Variants in PODN observed in about 807,000 individuals in gnomAD.
PODN encodes the protein podocan.
PODN carries 40 observed loss-of-function variants against 52.7 expected under a neutral mutation model. That is an observed-to-expected ratio of 0.76 (90% CI 0.59 to 0.99). The LOEUF is 0.99. PODN is among the 50% of genes least tolerant of loss of function. PODN has a pLI of 0.00. For missense variants in PODN, 720 were observed against 815.1 expected (o/e 0.88, Z 1.42); for synonymous variants, 396 against 377.9 (o/e 1.05, Z -0.56).
chr1:53,069,882 C>CCTGCTG lies in PODN; in HGVS notation c.35_40dup (p.Leu12_Leu13dup). ...TGGCCCAGAGCCGGGTGCTGCTGCT[C>CCTGCTG]CTGCTGCTGCTGCCGCCACAGCTGC... is the stretch of plus-strand genomic sequence containing the variant. On this transcript the variant is annotated inframe_insertion, in exon 2 of 11. Coordinates refer to ENST00000312553, the MANE Select transcript of PODN (RefSeq NM_153703.5). The CCTGCTG allele has an allele frequency of 6.4e-7, 1 of 1,567,044 alleles. No homozygotes were observed. Among genetic ancestry groups the CCTGCTG allele is most frequent in the Non-Finnish European group, 8.6e-7 (1 of 1,156,640 alleles).
In PODN at chr1:53,077,065, A is replaced by C. The variant is rs910132840; in HGVS notation, c.582-125A>C. 13 of 1,237,026 alleles carry C rather than the reference A, an allele frequency of 1.1e-5. No individual in the cohort carries two copies. The South Asian group carries it at 1.9e-4, about 18-fold the overall frequency. The allele number at this position is 1,237,026 out of a possible 1,614,324, so 76.6% of individuals were successfully genotyped here. ...TGTAGGCAACATCTGAGGTGCTTCT[A>C]ACTCTGTACCCTTGAGTTTGGATGG... On this transcript the variant is annotated intron_variant, in intron 5 of 10. Coordinates refer to ENST00000312553, the MANE Select transcript of PODN (RefSeq NM_153703.5).
chr1:53,071,701 C>T (rs774668485), intron 3 of PODN, 73 bp downstream of exon 3: 25 of 1,426,578 alleles, frequency 1.8e-5, no homozygotes, highest in Admixed American at 1.3e-4. Context: ...TGCTGGGTGC[C>T]CAGGGGGAGA....
chr1:53,063,609 G>T (rs907156420), intron 1 of PODN: 194 of 983,058 alleles, frequency 2.0e-4, no homozygotes, highest in Middle Eastern at 5.2e-4. Flanking sequence ...GACCAGGGGG[G>T]ACTGCTCTGG....
intron 1 of PODN, among the ~76,000 whole-genome samples, chr1:53,064,989 A>C (rs1214337886): frequency 6.6e-6 from 1 of 152,124 alleles, no homozygotes; most frequent in Non-Finnish European, 1.5e-5. Context: ...GAGACCAGGG[A>C]GCTCCCCTGT....
At chr1:53,080,672 G>A in intron 8 of PODN, 56 bp from the exon 9 acceptor site, 5 of 1,564,998 alleles carry the variant, frequency 3.2e-6, no homozygotes, top group Non-Finnish European at 4.3e-6. Context: ...AGTTTTGTAA[G>A]CTGTTAAGTG....
In PODN at chr1:53,074,673, G is replaced by A. The variant is rs374747271; in HGVS notation, c.471+3G>A. On this transcript the variant is annotated splice_donor_region_variant and intron_variant, in intron 4 of 10. Coordinates refer to ENST00000312553, the MANE Select transcript of PODN (RefSeq NM_153703.5). ...ACCTGTACTTGGCCAATAACAAGGTGAGGGGCTTGAGGCAGGGTGGGGGGT... is the reference window on the plus strand; with the variant it reads ...ACCTGTACTTGGCCAATAACAAGGTAAGGGGCTTGAGGCAGGGTGGGGGGT... 1.9e-6 allele frequency: 3 copies of A among 1,613,732 alleles called. No individual in the cohort carries two copies. In the African/African-American group the frequency reaches 4.0e-5, roughly 22 times the overall value.
At chr1:53,066,331 A>G (rs533388068) in intron 1 of PODN, among the ~76,000 whole-genome samples, 9 of 152,316 alleles carry the variant, frequency 5.9e-5, no homozygotes, top group Non-Finnish European at 1.0e-4. Flanking sequence ...GAAACTGGTA[A>G]CATTTATTTA....
At position 53,079,040 on chromosome 1, in the gene PODN, G is replaced by T; in HGVS notation, c.1512+18G>T. 1 of 1,506,260 alleles carries T rather than the reference G, an allele frequency of 6.6e-7. No individual in the cohort carries two copies. Among genetic ancestry groups the T allele is most frequent in the East Asian group, 2.4e-5 (1 of 41,132 alleles). The allele number at this position is 1,506,260 out of a possible 1,614,324, so 93.3% of individuals were successfully genotyped here. ...ATCTGCAGGTAAGCGGAAGGGAGGG[G>T]GCTGAGCCATGCCCATGGAGGGGGG... is the stretch of plus-strand genomic sequence containing the variant. On this transcript the variant is annotated intron_variant, in intron 8 of 10. Transcript: ENST00000312553.
Position 53,078,904 on chromosome 1 carries a change from C to A in PODN, c.1394C>A (p.Ala465Asp). 8.1e-6 allele frequency: 13 copies of A among 1,608,232 alleles called. No individual in the cohort carries two copies. The highest frequency in any genetic ancestry group is 1.1e-5 in the Non-Finnish European group (13 of 1,177,616). The change falls in exon 8 of 11, where the codon GCC becomes GAC. Residue 465 changes from alanine (A) to aspartate (D), a missense_variant. Physicochemically the swap from Ala to Asp is moderately radical, Grantham distance 126 (BLOSUM62 -2). Transcript: ENST00000312553. ...AAGGTCAAGCGCAATGAGCTGGCTG[C>A]CTTGGCACGAGGGGCGCTGGTGGGC... is the stretch of plus-strand genomic sequence containing the variant. ...VLKVKRNELAALARGALVGMA... is the reference protein window; with the variant it reads ...VLKVKRNELADLARGALVGMA...
chr1:53,081,013 A>G, intron 9 of PODN, 137 bp downstream of exon 9: 1 of 1,206,086 alleles, frequency 8.3e-7, no homozygotes, highest in Non-Finnish European at 1.1e-6. Context: ...GGGTGGGGAC[A>G]GTCCTGGCCA....
At chr1:53,068,553 C>T (rs963651257) in intron 1 of PODN, among the ~76,000 whole-genome samples, 1 of 152,208 alleles carries the variant, frequency 6.6e-6, no homozygotes, top group African/African-American at 2.4e-5. Context: ...ATCACCTCAT[C>T]ACCTAAAAGC....
intron 8 of PODN, among the ~76,000 whole-genome samples, chr1:53,079,999 T>TA (rs5774134): frequency 0.053 from 5,585 of 105,954 alleles, 286 homozygotes; most frequent in East Asian, 0.22. Context: ...TGTCTCAAAT[T>TA]AAAAAAAAAA....
chr1:53,077,669 C>A lies in PODN; in HGVS notation c.739-16C>A. On this transcript the variant is annotated splice_polypyrimidine_tract_variant and intron_variant, in intron 6 of 10. Transcript: ENST00000312553. ...GCCCTCCCTCACAATCTCCTCCCTT[C>A]CCTTCCATCCCCCAGAACAACAAGC... 1 of 1,605,876 alleles carries A rather than the reference C, an allele frequency of 6.2e-7. No individual in the cohort carries two copies. The highest frequency in any genetic ancestry group is 8.5e-7 in the Non-Finnish European group (1 of 1,174,862).
At chr1:53,084,253 G>A (rs1644331620) in intron 10 of PODN, among the ~76,000 whole-genome samples, 1 of 151,944 alleles carries the variant, frequency 6.6e-6, no homozygotes, top group Non-Finnish European at 1.5e-5. Context: ...GGAGTCCTGG[G>A]GTGGGTGAGA....
At chr1:53,077,440 C>G (rs946590) in intron 6 of PODN, 94 bp downstream of exon 6, 1,416,013 of 1,528,832 alleles carry the variant, frequency 0.93, 658,361 homozygotes, top group Middle Eastern at 0.98. Flanking sequence ...GCCCACATGG[C>G]CACAGGTGCT....
Position 53,085,203 on chromosome 1 carries a change from C to A in PODN, c.*718C>A, listed in dbSNP as rs1268755987. The A allele has an allele frequency of 6.6e-6, 1 of 152,172 alleles. No homozygotes were observed. Among genetic ancestry groups the A allele is most frequent in the Admixed American group, 6.5e-5 (1 of 15,284 alleles). 9.4% of individuals were successfully genotyped at this position (152,172 alleles called of 1,614,324 possible). ...CTGCTAAGAGTCCCTCCCTGCCACGCCCTGGCAGGACACAGGCACTTTTCC... is the reference window on the plus strand; with the variant it reads ...CTGCTAAGAGTCCCTCCCTGCCACGACCTGGCAGGACACAGGCACTTTTCC... On this transcript the variant is annotated 3_prime_UTR_variant, in exon 11 of 11. Coordinates refer to ENST00000312553, the MANE Select transcript of PODN (RefSeq NM_153703.5).
At chr1:53,079,086 G>T in intron 8 of PODN, 64 bp downstream of exon 8, 3 of 1,447,210 alleles carry the variant, frequency 2.1e-6, no homozygotes, top group Non-Finnish European at 2.7e-6. Context: ...GCTGCCCTGA[G>T]CCCACCTGTC....
intron 3 of PODN, among the ~76,000 whole-genome samples, chr1:53,072,681 G>C (rs868624032): frequency 1.3e-5 from 2 of 152,182 alleles, no homozygotes; most frequent in Admixed American, 6.5e-5. Flanking sequence ...AGACGTCCCT[G>C]TCTTCTTTAT....
intron 10 of PODN, 133 bp downstream of exon 10, chr1:53,082,321 A>T: frequency 1.6e-6 from 2 of 1,275,960 alleles, no homozygotes; most frequent in Non-Finnish European, 2.0e-6. Flanking sequence ...CAAATTTATA[A>T]GAGCACTTGG....
Sources: allele counts gnomAD v4.1 joint callset (sites outside exome capture counted in the v4.1 genomes callset), GRCh38; gene constraint gnomAD v4.1.1; transcripts MANE v1.5; gene names NCBI Gene and HGNC (gene_info 2026-07-23, HGNC 2026-07-21).